Variants in SCHIP1 observed in about 807,000 individuals in gnomAD.
SCHIP1 encodes schwannomin-interacting protein 1.
Under a neutral mutation model 29.7 loss-of-function variants are expected in SCHIP1, and 8 were observed. The observed-to-expected ratio is 0.27, with a 90% confidence interval of 0.16 to 0.49. The LOEUF (loss-of-function observed/expected upper bound fraction) is 0.49. SCHIP1 is among the 20% of genes least tolerant of loss of function. The pLI, the probability that SCHIP1 is intolerant of heterozygous loss-of-function variation, is 0.99. For missense variants in SCHIP1, 193 were observed against 294.6 expected (o/e 0.66, Z 2.52); for synonymous variants, 76 against 94.9 (o/e 0.80, Z 1.16).
upstream of SCHIP1, among the ~76,000 whole-genome samples, chr3:159,839,065 C>G (rs1244321653): frequency 3.9e-5 from 6 of 152,064 alleles, no homozygotes; most frequent in South Asian, 4.1e-4. Context: ...TGTGTATCCT[C>G]AAGTCCTGAA....
the SCHIP1 span, among the ~76,000 whole-genome samples, chr3:159,373,870 A>G: frequency 6.6e-6 from 1 of 152,204 alleles, no homozygotes; most frequent in Non-Finnish European, 1.5e-5. Flanking sequence ...TACTATGAAC[A>G]CTGTTGCAAT....
At chr3:159,859,994 TGC>T (rs1553796488) in intron 1 of SCHIP1, among the ~76,000 whole-genome samples, 11 of 150,026 alleles carry the variant, frequency 7.3e-5, no homozygotes, top group African/African-American at 2.7e-4. Flanking sequence ...TGTGTGTGTG[TGC>T]GTGTGTGTGT....
chr3:159,556,949 T>A, the SCHIP1 span, among the ~76,000 whole-genome samples: 20 of 151,310 alleles, frequency 1.3e-4, no homozygotes, highest in Admixed American at 1.3e-3. Flanking sequence ...ATAAAAAAAT[T>A]TAAAAAAAAA....
At chr3:159,442,817 A>G in the SCHIP1 span, among the ~76,000 whole-genome samples, 3 of 152,196 alleles carry the variant, frequency 2.0e-5, no homozygotes, top group African/African-American at 7.2e-5. Flanking sequence ...ACAGGCTCAC[A>G]GGGTGGTAAG....
chr3:159,760,383 G>C, the SCHIP1 span, among the ~76,000 whole-genome samples: 2 of 152,268 alleles, frequency 1.3e-5, no homozygotes, highest in East Asian at 3.9e-4. Flanking sequence ...TCATTCACAT[G>C]CACCTTGACC....
At chr3:159,317,364 A>C in the SCHIP1 span, among the ~76,000 whole-genome samples, 1 of 152,194 alleles carries the variant, frequency 6.6e-6, no homozygotes, top group African/African-American at 2.4e-5. Flanking sequence ...TCCCTCTGGA[A>C]CTAAGACCTC....
At chr3:159,542,354 A>C in the SCHIP1 span, among the ~76,000 whole-genome samples, 8 of 152,230 alleles carry the variant, frequency 5.3e-5, no homozygotes, top group East Asian at 1.5e-3. Flanking sequence ...AAAAATCTGC[A>C]CATGCTTGTT....
At chr3:159,878,163 G>T (rs1716033477) in intron 2 of SCHIP1, among the ~76,000 whole-genome samples, 1 of 152,196 alleles carries the variant, frequency 6.6e-6, no homozygotes, top group South Asian at 2.1e-4. Context: ...ACTCGGTCAT[G>T]TTCTTTCCTT....
At chr3:159,676,672 G>C in the SCHIP1 span, among the ~76,000 whole-genome samples, 1 of 152,166 alleles carries the variant, frequency 6.6e-6, no homozygotes, top group Non-Finnish European at 1.5e-5. Flanking sequence ...GAGGATAGGA[G>C]AGGAGAAGTG....
the SCHIP1 span, among the ~76,000 whole-genome samples, chr3:159,661,902 G>T: frequency 6.6e-6 from 1 of 152,292 alleles, no homozygotes; most frequent in East Asian, 1.9e-4. Flanking sequence ...CGAAGAATCA[G>T]TATGTCAGTA....
At chr3:159,895,211 G>A (rs923524317) in intron 6 of SCHIP1, among the ~76,000 whole-genome samples, 3 of 152,164 alleles carry the variant, frequency 2.0e-5, no homozygotes, top group African/African-American at 7.2e-5. Context: ...TATCGATAAG[G>A]TACTTTTTCC....
At chr3:159,857,035 C>A (rs867521453) in intron 1 of SCHIP1, among the ~76,000 whole-genome samples, 8 of 152,142 alleles carry the variant, frequency 5.3e-5, no homozygotes, top group Admixed American at 1.3e-4. Flanking sequence ...GGACCTAGCC[C>A]CACCTCAGCC....
chr3:159,514,874 A>G, the SCHIP1 span, among the ~76,000 whole-genome samples: 1 of 152,112 alleles, frequency 6.6e-6, no homozygotes, highest in African/African-American at 2.4e-5. Context: ...CTCTTACCCC[A>G]AAACTGCTTC....
intron 3 of SCHIP1, chr3:159,887,137 A>G (rs1464395682): frequency 6.5e-6 from 1 of 152,808 alleles, no homozygotes; most frequent in East Asian, 1.9e-4. Context: ...TTATAAAGAG[A>G]AAATAAGCTA....
the SCHIP1 span, among the ~76,000 whole-genome samples, chr3:159,414,648 G>A: frequency 2.6e-5 from 4 of 152,124 alleles, no homozygotes; most frequent in African/African-American, 7.2e-5. Context: ...ACGTATAGAT[G>A]CTCAAATATA....
chr3:159,681,457 A>T, the SCHIP1 span, among the ~76,000 whole-genome samples: 1 of 152,096 alleles, frequency 6.6e-6, no homozygotes, highest in African/African-American at 2.4e-5. Flanking sequence ...ATTATTACAT[A>T]TTTCCCTCCA....
At chr3:159,652,107 A>C in the SCHIP1 span, among the ~76,000 whole-genome samples, 1,086 of 152,214 alleles carry the variant, frequency 7.1e-3, 10 homozygotes, top group Non-Finnish European at 8.2e-3. Flanking sequence ...CCATCTCAAA[A>C]AAAAAAAAAT....
At chr3:159,287,927 T>G in the SCHIP1 span, among the ~76,000 whole-genome samples, 42 of 152,220 alleles carry the variant, frequency 2.8e-4, 1 homozygote, top group Admixed American at 2.7e-3. Context: ...TCAAAACAGC[T>G]TCATGTATGA....
the SCHIP1 span, among the ~76,000 whole-genome samples, chr3:159,567,470 GA>G: frequency 6.6e-6 from 1 of 151,884 alleles, no homozygotes; most frequent in African/African-American, 2.4e-5. Context: ...TTATACTTAG[GA>G]ATTCTGTCTC....
Sources: gnomAD v4.1 joint callset for allele counts (sites outside exome capture counted in the v4.1 genomes callset) on GRCh38, gnomAD v4.1.1 for gene constraint, MANE v1.5 for transcripts, NCBI Gene and HGNC (gene_info 2026-07-23, HGNC 2026-07-21) for gene names.